Variants in SYT16 observed in about 807,000 individuals in gnomAD.
The protein encoded by SYT16 is synaptotagmin-16.
SYT16 carries 42 observed loss-of-function variants against 61.4 expected under a neutral mutation model. That is an observed-to-expected ratio of 0.68 (90% CI 0.53 to 0.89). The LOEUF (loss-of-function observed/expected upper bound fraction) is 0.89. Among genes scored for constraint, SYT16 ranks in the 40% least tolerant of loss-of-function variants. The pLI is 0.00. For missense variants in SYT16, 804 were observed against 807.3 expected (o/e 1.00, Z 0.05); for synonymous variants, 314 against 302.3 (o/e 1.04, Z -0.40).
intron 1 of SYT16, among the ~76,000 whole-genome samples, chr14:61,933,190 T>C (rs2049845569): frequency 6.6e-6 from 1 of 152,202 alleles, no homozygotes; most frequent in Admixed American, 6.5e-5. Context: ...CACTTAGTGC[T>C]GACAGTTAAA....
At chr14:61,939,261 A>G in intron 1 of SYT16, among the ~76,000 whole-genome samples, 1 of 152,192 alleles carries the variant, frequency 6.6e-6, no homozygotes, top group East Asian at 1.9e-4. Context: ...TGGATGCATA[A>G]TCCCCCCAAA....
At chr14:62,098,160 C>T (rs2057325990) in intron 7 of SYT16, among the ~76,000 whole-genome samples, 1 of 152,312 alleles carries the variant, frequency 6.6e-6, no homozygotes, top group Non-Finnish European at 1.5e-5. Flanking sequence ...TCCTATCTTA[C>T]AATGCTTTTG....
intron 7 of SYT16, among the ~76,000 whole-genome samples, chr14:62,090,930 A>G (rs911687720): frequency 6.6e-6 from 1 of 152,198 alleles, no homozygotes; most frequent in African/African-American, 2.4e-5. Flanking sequence ...TAAAACCATC[A>G]GATCTCATGA....
intron 1 of SYT16, among the ~76,000 whole-genome samples, chr14:61,916,375 G>C (rs1186483942): frequency 1.3e-5 from 2 of 152,054 alleles, no homozygotes; most frequent in Admixed American, 1.3e-4. Context: ...GCAGTCTTTT[G>C]TGTTTTATGT....
intron 1 of SYT16, among the ~76,000 whole-genome samples, chr14:61,962,594 T>G (rs1310924193): frequency 6.6e-6 from 1 of 152,182 alleles, no homozygotes; most frequent in African/African-American, 2.4e-5. Context: ...TTAAATATAC[T>G]CTTTGCCCCT....
At chr14:62,047,488 C>T (rs1436546407) in intron 3 of SYT16, among the ~76,000 whole-genome samples, 4 of 152,146 alleles carry the variant, frequency 2.6e-5, no homozygotes, top group Non-Finnish European at 5.9e-5. Context: ...CCTGATTGCC[C>T]TGGCCAGAAC....
chr14:61,981,218 T>C (rs549532163), intron 2 of SYT16, among the ~76,000 whole-genome samples: 3 of 152,310 alleles, frequency 2.0e-5, no homozygotes, highest in African/African-American at 7.2e-5. Context: ...CTGCTTTGCA[T>C]AGAGTACACT....
rs1263279088 is a variant in SYT16 at position 62,111,980 on chromosome 14, T to G, written c.*11273T>G. On this transcript the variant is annotated 3_prime_UTR_variant, in exon 8 of 8. Transcript: ENST00000683842. Reference sequence around the variant, plus strand: ...TGTAATGACCCATCCTATTTCTAAATTTACTTCTATCAGTGGATAATTTGT... The same window carrying G: ...TGTAATGACCCATCCTATTTCTAAAGTTACTTCTATCAGTGGATAATTTGT... 1 of 152,132 alleles carries G rather than the reference T, an allele frequency of 6.6e-6. No individual in the cohort carries two copies. Among genetic ancestry groups the G allele is most frequent in the Non-Finnish European group, 1.5e-5 (1 of 67,962 alleles). The allele number at this position is 152,132 out of a possible 1,614,324, so 9.4% of individuals were successfully genotyped here. A position where few individuals can be genotyped will look rare whatever the true frequency, so the allele number is the denominator to read the frequency against.
intron 1 of SYT16, among the ~76,000 whole-genome samples, chr14:61,860,531 A>G (rs2046930540): frequency 6.6e-6 from 1 of 152,238 alleles, no homozygotes; most frequent in Admixed American, 6.5e-5. Flanking sequence ...AGATGAGTAC[A>G]GAAAGTGAGA....
intron 1 of SYT16, among the ~76,000 whole-genome samples, chr14:61,933,261 C>T (rs73260229): frequency 0.034 from 5,241 of 152,258 alleles, 350 homozygotes; most frequent in African/African-American, 0.12. Context: ...ACACAAAGCT[C>T]CTTTCCCATT....
intron 3 of SYT16, among the ~76,000 whole-genome samples, chr14:62,027,871 T>A (rs1026043042): frequency 1.3e-5 from 2 of 152,220 alleles, no homozygotes; most frequent in Admixed American, 1.3e-4. Flanking sequence ...GGGAACTTTA[T>A]ATTTTGTGCA....
chr14:61,931,205 T>C (rs947483429), intron 1 of SYT16, among the ~76,000 whole-genome samples: 2 of 152,116 alleles, frequency 1.3e-5, no homozygotes, highest in Admixed American at 1.3e-4. Context: ...AGGAGGAAAT[T>C]AGTAAATAAT....
chr14:61,971,635 T>TCTCC (rs1445816369), intron 2 of SYT16, among the ~76,000 whole-genome samples: 1 of 152,240 alleles, frequency 6.6e-6, no homozygotes, highest in Non-Finnish European at 1.5e-5. Flanking sequence ...AGCTCTACGT[T>TCTCC]TAGGAAATTC....
chr14:61,952,913 T>C (rs2050728867), intron 1 of SYT16, among the ~76,000 whole-genome samples: 1 of 152,198 alleles, frequency 6.6e-6, no homozygotes, highest in Admixed American at 6.5e-5. Context: ...ATATATATTT[T>C]TTATATTTCA....
At chr14:61,993,255 G>A (rs2052630193) in intron 2 of SYT16, among the ~76,000 whole-genome samples, 1 of 151,490 alleles carries the variant, frequency 6.6e-6, no homozygotes, top group East Asian at 1.9e-4. Flanking sequence ...ACACACCGGG[G>A]CCTGTGGGGG....
At chr14:61,985,064 T>C (rs1164018185) in intron 2 of SYT16, among the ~76,000 whole-genome samples, 1 of 152,168 alleles carries the variant, frequency 6.6e-6, no homozygotes, top group Non-Finnish European at 1.5e-5. Flanking sequence ...GATCTGATTA[T>C]TAATGTTTGC....
intron 2 of SYT16, among the ~76,000 whole-genome samples, chr14:61,987,364 C>T (rs1292882434): frequency 6.6e-6 from 1 of 152,084 alleles, no homozygotes; most frequent in Non-Finnish European, 1.5e-5. Flanking sequence ...CAATGGGAAG[C>T]CATTTTAAAC....
intron 7 of SYT16, among the ~76,000 whole-genome samples, chr14:62,095,411 G>C (rs1303183301): frequency 6.6e-6 from 1 of 151,870 alleles, no homozygotes; most frequent in East Asian, 1.9e-4. Context: ...AATCTATAAA[G>C]TAATATTTCT....
intron 3 of SYT16, among the ~76,000 whole-genome samples, chr14:62,010,877 A>G (rs2053420492): frequency 1.3e-5 from 2 of 152,208 alleles, no homozygotes; most frequent in African/African-American, 4.8e-5. Context: ...TCGATCTCAC[A>G]AAAAGTAGCC....
Sources: allele counts gnomAD v4.1 joint callset (sites outside exome capture counted in the v4.1 genomes callset), GRCh38; gene constraint gnomAD v4.1.1; transcripts MANE v1.5; gene names NCBI Gene and HGNC (gene_info 2026-07-23, HGNC 2026-07-21).